The following ADGRL3 variants were observed in gnomAD, a reference collection of about 807,000 sequenced individuals.
ADGRL3 encodes the protein calcium-independent alpha-latrotoxin receptor 3.
In ADGRL3, 62 loss-of-function variants were observed where a neutral mutation model predicts 153.5. That is an observed-to-expected ratio of 0.40 (90% CI 0.33 to 0.50). The LOEUF (loss-of-function observed/expected upper bound fraction) is 0.50. ADGRL3 is among the 20% of genes least tolerant of loss of function. The pLI, the probability that ADGRL3 is intolerant of heterozygous loss-of-function variation, is 0.47. For synonymous variants in ADGRL3, 710 were observed against 672.5 expected (o/e 1.06, Z -0.86); for missense variants, 1,641 against 1,859.4 (o/e 0.88, Z 2.16).
At chr4:61,203,390 T>G (rs1021006984) in intron 1 of ADGRL3, among the ~76,000 whole-genome samples, 2 of 152,094 alleles carry the variant, frequency 1.3e-5, no homozygotes, top group African/African-American at 4.8e-5. Flanking sequence ...TCCTTTAGAG[T>G]CTAACCTGCT....
intron 8 of ADGRL3, among the ~76,000 whole-genome samples, chr4:61,771,278 G>T (rs139685457): frequency 0.011 from 1,732 of 152,284 alleles, 26 homozygotes; most frequent in African/African-American, 0.037. Context: ...ATAAATGCTT[G>T]TGGGGTGGGT....
At chr4:61,857,728 C>CT (rs2098293955) in intron 9 of ADGRL3, among the ~76,000 whole-genome samples, 1 of 121,446 alleles carries the variant, frequency 8.2e-6, no homozygotes, top group African/African-American at 4.5e-5. Flanking sequence ...TCTTTCTTCT[C>CT]TCTTTCTTTC....
intron 1 of ADGRL3, among the ~76,000 whole-genome samples, chr4:61,382,757 A>G (rs2096685871): frequency 6.6e-6 from 1 of 151,838 alleles, no homozygotes; most frequent in African/African-American, 2.4e-5. Context: ...AAGTGGTAAG[A>G]CTAATCAATC....
intron 1 of ADGRL3, among the ~76,000 whole-genome samples, chr4:61,268,809 T>C (rs1020823351): frequency 6.6e-6 from 1 of 151,648 alleles, no homozygotes; most frequent in Non-Finnish European, 1.5e-5. Context: ...ATGGAAAATA[T>C]ATGATCAAGT....
intron 8 of ADGRL3, among the ~76,000 whole-genome samples, chr4:61,810,153 T>A (rs1033655967): frequency 1.3e-5 from 2 of 152,032 alleles, no homozygotes; most frequent in African/African-American, 4.8e-5. Context: ...AATAAATAGC[T>A]CTCAATATTT....
At chr4:61,425,416 T>C (rs1018440602) in intron 2 of ADGRL3, 1 of 152,440 alleles carries the variant, frequency 6.6e-6, no homozygotes, top group African/African-American at 2.4e-5. Context: ...CCATAGCTGC[T>C]GCTGGAAGGG....
At chr4:61,656,351 A>C (rs1157881604) in intron 5 of ADGRL3, among the ~76,000 whole-genome samples, 1 of 151,696 alleles carries the variant, frequency 6.6e-6, no homozygotes. Context: ...CAATGAAGGT[A>C]CTTTTTTTTG....
Position 61,934,699 on chromosome 4 carries a change from A to G in ADGRL3, c.2113-141A>G, listed in dbSNP as rs147198016. On this transcript the variant is annotated intron_variant, in intron 13 of 26. Coordinates refer to ENST00000683033, the MANE Select transcript of ADGRL3 (RefSeq NM_001387552.1). Reference sequence around the variant, plus strand: ...AAATAATGAATGCTTCTGCTGCAGCATGTCACAGGGGAGGCTGGGACAATA... The same window carrying G: ...AAATAATGAATGCTTCTGCTGCAGCGTGTCACAGGGGAGGCTGGGACAATA... The G allele has an allele frequency of 1.1e-3, 649 of 573,998 alleles. 6 individuals are homozygous for G. Among genetic ancestry groups the G allele is most frequent in the African/African-American group, 0.011 (606 of 54,002 alleles). 35.6% of individuals were successfully genotyped at this position (573,998 alleles called of 1,614,324 possible). A position where few individuals can be genotyped will look rare whatever the true frequency, so the allele number is the denominator to read the frequency against.
At chr4:61,226,967 C>A (rs1420761343) in intron 1 of ADGRL3, among the ~76,000 whole-genome samples, 1 of 152,170 alleles carries the variant, frequency 6.6e-6, no homozygotes, top group Non-Finnish European at 1.5e-5. Context: ...CATATTTAAT[C>A]TCTTTTAGAT....
At chr4:61,711,965 A>G (rs2096000975) in intron 6 of ADGRL3, among the ~76,000 whole-genome samples, 1 of 152,152 alleles carries the variant, frequency 6.6e-6, no homozygotes, top group African/African-American at 2.4e-5. Flanking sequence ...TAGAGTACCA[A>G]TAGCTTTAAA....
rs150876128 is a variant in ADGRL3, at chr4:61,550,239, G to A, written c.259+32721G>A. On this transcript the variant is annotated intron_variant, in intron 4 of 26. Transcript: ENST00000683033. ...TGGAATAATTTTACTTTGGGATCCA[G>A]TTGAGGTCAAGAACATAGGTAGGTT... 4.0e-5 allele frequency among the ~76,000 whole-genome samples: 6 copies of A among 150,594 alleles called. No individual in the cohort carries two copies. In the East Asian group the frequency reaches 1.2e-3, roughly 29 times the overall value.
chr4:61,657,507 T>G (rs1292489292), intron 5 of ADGRL3, among the ~76,000 whole-genome samples: 1 of 152,166 alleles, frequency 6.6e-6, no homozygotes, highest in African/African-American at 2.4e-5. Flanking sequence ...TTTATTCACA[T>G]AGGTATTGTT....
At chr4:61,758,400 C>A (rs1277175301) in intron 8 of ADGRL3, among the ~76,000 whole-genome samples, 1 of 152,292 alleles carries the variant, frequency 6.6e-6, no homozygotes, top group South Asian at 2.1e-4. Context: ...ATAGTTAGCT[C>A]TTCTTGTTGA....
At chr4:61,893,306 G>A (rs192390844) in intron 10 of ADGRL3, among the ~76,000 whole-genome samples, 129 of 152,118 alleles carry the variant, frequency 8.5e-4, no homozygotes, top group Middle Eastern at 3.4e-3. Flanking sequence ...CCTGCACTTT[G>A]CCCTCATAGT....
rs951426117 is a variant in ADGRL3, at chr4:61,758,625, T to C, written c.1399+25071T>C. Among the ~76,000 whole-genome samples, 6 of 152,164 alleles carry C rather than the reference T, an allele frequency of 3.9e-5. No homozygotes were observed. The East Asian group carries it at 5.8e-4, about 15-fold the overall frequency. ...TACAGCACACTGATGGGTCTTGACT[T>C]TTTATCCAGTTTACCAGTCTGTGTC... is the stretch of plus-strand genomic sequence containing the variant. On this transcript the variant is annotated intron_variant, in intron 8 of 26. Coordinates refer to ENST00000683033, the MANE Select transcript of ADGRL3 (RefSeq NM_001387552.1).
At chr4:61,328,028 G>A (rs2095498780) in intron 1 of ADGRL3, among the ~76,000 whole-genome samples, 1 of 152,076 alleles carries the variant, frequency 6.6e-6, no homozygotes, top group Non-Finnish European at 1.5e-5. Context: ...ATGAGTTAGA[G>A]GAGGATTTTT....
chr4:61,819,523 T>C (rs1322925552), intron 9 of ADGRL3, among the ~76,000 whole-genome samples: 1 of 152,142 alleles, frequency 6.6e-6, no homozygotes, highest in Non-Finnish European at 1.5e-5. Context: ...TCTACATATA[T>C]GTTAATGTTT....
chr4:61,448,708 GAAAGAAGGAAGGAAGGA>G (rs2097621684), intron 2 of ADGRL3, among the ~76,000 whole-genome samples: 1 of 19,620 alleles, frequency 5.1e-5, no homozygotes, highest in Admixed American at 1.5e-3. Context: ...ACGAAGGAAA[GAAAGAAGGAAGGAAGGA>G]GAGAGGGAAG....
At chr4:61,642,632 G>A (rs557303869) in intron 5 of ADGRL3, among the ~76,000 whole-genome samples, 1 of 152,124 alleles carries the variant, frequency 6.6e-6, no homozygotes, top group Admixed American at 6.6e-5. Flanking sequence ...GCTCTGTTCT[G>A]TTCCATTGAT....
Sources: allele counts gnomAD v4.1 joint callset (sites outside exome capture counted in the v4.1 genomes callset), GRCh38; gene constraint gnomAD v4.1.1; transcripts MANE v1.5; gene names NCBI Gene and HGNC (gene_info 2026-07-23, HGNC 2026-07-21).